UNC5B: variants seen among roughly 807,000 people sequenced by gnomAD.
UNC5B encodes the protein netrin receptor UNC5B.
A neutral mutation model predicts 103.7 loss-of-function variants in UNC5B; 56 were observed. That is an observed-to-expected ratio of 0.54 (90% confidence interval 0.44 to 0.67). The LOEUF is 0.67. UNC5B is among the 30% of genes least tolerant of loss of function. UNC5B has a pLI of 0.00. For synonymous variants in UNC5B, 577 were observed against 542.0 expected (o/e 1.06, Z -0.90); for missense variants, 1,194 against 1,284.5 (o/e 0.93, Z 1.08).
chr10:71,220,479 G>A (rs969243237), intron 1 of UNC5B, among the ~76,000 whole-genome samples: 4 of 152,080 alleles, frequency 2.6e-5, no homozygotes, highest in Admixed American at 6.5e-5. Context: ...ACCTCTCCCC[G>A]GGGCCTTAGC....
At chr10:71,239,934 C>A (rs1843860098) in intron 1 of UNC5B, among the ~76,000 whole-genome samples, 1 of 152,194 alleles carries the variant, frequency 6.6e-6, no homozygotes, top group Non-Finnish European at 1.5e-5. Flanking sequence ...TGTGAGGGGA[C>A]TGGCCTTGGG....
At chr10:71,263,711 T>C (rs1844465490) in intron 1 of UNC5B, among the ~76,000 whole-genome samples, 1 of 152,192 alleles carries the variant, frequency 6.6e-6, no homozygotes, top group South Asian at 2.1e-4. Context: ...AAGCCTCTAT[T>C]GTTTTGAACT....
At chr10:71,217,400 G>T (rs2302401) in intron 1 of UNC5B, 1 of 152,206 alleles carries the variant, frequency 6.6e-6, no homozygotes, top group East Asian at 1.9e-4. Flanking sequence ...TCTGCGATCC[G>T]CCGGGGGCGC....
chr10:71,240,605 C>T (rs1280093307), intron 1 of UNC5B, among the ~76,000 whole-genome samples: 6 of 152,210 alleles, frequency 3.9e-5, no homozygotes, highest in South Asian at 2.1e-4. Context: ...GTTAGGGTCA[C>T]GGCTGAGCAG....
chr10:71,228,059 C>G (rs1232682169), intron 1 of UNC5B, among the ~76,000 whole-genome samples: 1 of 152,172 alleles, frequency 6.6e-6, no homozygotes, highest in East Asian at 1.9e-4. Context: ...ACCCAAATGT[C>G]TACGGAAATA....
chr10:71,250,522 A>G (rs1044778931), intron 1 of UNC5B, among the ~76,000 whole-genome samples: 1 of 152,172 alleles, frequency 6.6e-6, no homozygotes, highest in African/African-American at 2.4e-5. Flanking sequence ...GCAGTGGCAA[A>G]CGGTTTATCT....
At chr10:71,248,865 TCTCACA>T (rs150147193) in intron 1 of UNC5B, among the ~76,000 whole-genome samples, 58,413 of 142,608 alleles carry the variant, frequency 0.41, 11,721 homozygotes, top group Middle Eastern at 0.46. Context: ...TCTCTCTCTC[TCTCACA>T]CACACACACA....
rs117145072 is a variant in UNC5B, at chr10:71,268,863, C to T, written c.80-10958C>T. 5.0e-4 allele frequency among the ~76,000 whole-genome samples: 76 copies of T among 152,324 alleles called. 2 individuals are homozygous for T. The East Asian group carries it at 0.015, about 29-fold the overall frequency. On this transcript the variant is annotated intron_variant, in intron 1 of 16. Transcript: ENST00000335350. ...GAGAAAGTGACAGGACACTGGGCAT[C>T]TTCCTGCCCAGAACCCAAACACACA...
intron 1 of UNC5B, among the ~76,000 whole-genome samples, chr10:71,222,211 T>G (rs896325451): frequency 6.6e-6 from 1 of 152,148 alleles, no homozygotes; most frequent in East Asian, 1.9e-4. Context: ...CGTGAAGGTA[T>G]GGGTGTGAAT....
At position 71,291,417 on chromosome 10, in the gene UNC5B, C is replaced by T; in HGVS notation, c.1295-15C>T. Reference sequence around the variant, plus strand: ...GAGGCACAGCTGGGTCTGACTATAGCCCCTACTCCTGCAGGCAACCCGCAG... The same window carrying T: ...GAGGCACAGCTGGGTCTGACTATAGTCCCTACTCCTGCAGGCAACCCGCAG... On this transcript the variant is annotated splice_polypyrimidine_tract_variant and intron_variant, in intron 9 of 16. Coordinates refer to ENST00000335350, the MANE Select transcript of UNC5B (RefSeq NM_170744.5). 6.3e-7 allele frequency: 1 copy of T among 1,583,290 alleles called. No individual in the cohort carries two copies. The highest frequency in any genetic ancestry group is 8.6e-7 in the Non-Finnish European group (1 of 1,164,426).
intron 1 of UNC5B, among the ~76,000 whole-genome samples, chr10:71,252,355 G>A (rs1264656662): frequency 6.6e-6 from 1 of 152,188 alleles, no homozygotes; most frequent in Non-Finnish European, 1.5e-5. Context: ...TGCCTACCAA[G>A]TGTCCTGCCA....
At chr10:71,245,280 G>A (rs17545059) in intron 1 of UNC5B, among the ~76,000 whole-genome samples, 22,861 of 152,198 alleles carry the variant, frequency 0.15, 2,125 homozygotes, top group Middle Eastern at 0.32. Context: ...GGAATTCGAG[G>A]CCTCAGCACT....
At chr10:71,240,087 A>G (rs989700213) in intron 1 of UNC5B, among the ~76,000 whole-genome samples, 2 of 146,854 alleles carry the variant, frequency 1.4e-5, no homozygotes, top group Non-Finnish European at 3.0e-5. Context: ...TACCCCACCC[A>G]CCCTCACGGT....
chr10:71,296,507 T>G, intron 14 of UNC5B, 71 bp from the exon 15 acceptor site: 1 of 1,555,600 alleles, frequency 6.4e-7, no homozygotes, highest in South Asian at 1.2e-5. Context: ...CAACCCTCCC[T>G]GAGCCTCCAT....
At chr10:71,293,278 C>G (rs1845313351) in intron 11 of UNC5B, 127 bp from the exon 12 acceptor site, 1 of 1,078,358 alleles carries the variant, frequency 9.3e-7, no homozygotes, top group African/African-American at 1.6e-5. Context: ...TCTGGGAATG[C>G]AGAGCCCTGA....
chr10:71,277,787 G>A (rs1030898945), intron 1 of UNC5B, among the ~76,000 whole-genome samples: 6 of 152,356 alleles, frequency 3.9e-5, no homozygotes, highest in South Asian at 2.1e-4. Context: ...CCCACTCACC[G>A]GGTGGCCTCG....
chr10:71,240,007 G>A (rs751649294), intron 1 of UNC5B, among the ~76,000 whole-genome samples: 1 of 152,200 alleles, frequency 6.6e-6, no homozygotes, highest in Non-Finnish European at 1.5e-5. Context: ...GCTGGGCTGG[G>A]GCTCCAGGCG....
At position 71,218,743 on chromosome 10, in the gene UNC5B, G is replaced by A. The variant is rs1843390303; in HGVS notation, c.79+5679G>A. On this transcript the variant is annotated intron_variant, in intron 1 of 16. Coordinates refer to ENST00000335350, the MANE Select transcript of UNC5B (RefSeq NM_170744.5). ...AGAGCATGGGAGCGGCTGTGGTTTG[G>A]AGATCTGCTCTCTGACCTGGGTCAG... is the stretch of plus-strand genomic sequence containing the variant. Among the ~76,000 whole-genome samples the A allele has an allele frequency of 3.9e-5, 6 of 152,202 alleles. No homozygotes were observed. The South Asian group carries it at 1.2e-3, about 32-fold the overall frequency.
At chr10:71,285,254 G>T in intron 3 of UNC5B, 72 bp from the exon 4 acceptor site, 1 of 1,460,380 alleles carries the variant, frequency 6.8e-7, no homozygotes, top group Non-Finnish European at 9.4e-7. Context: ...CCACCCAGTG[G>T]CTACAGTGTA....
Sources: gnomAD v4.1 joint callset for allele counts (sites outside exome capture counted in the v4.1 genomes callset) on GRCh38, gnomAD v4.1.1 for gene constraint, MANE v1.5 for transcripts, NCBI Gene and HGNC (gene_info 2026-07-23, HGNC 2026-07-21) for gene names.